The following ABI3BP variants were observed in gnomAD, a reference collection of about 807,000 sequenced individuals.
ABI3BP encodes the protein target of Nesh-SH3.
ABI3BP carries 216 observed loss-of-function variants against 268.6 expected under a neutral mutation model. The ratio of observed to expected loss-of-function variants is 0.80; its 90% confidence interval spans 0.72 to 0.90. The LOEUF is 0.90. Among genes scored for constraint, ABI3BP ranks in the 40% least tolerant of loss-of-function variants. The probability of loss-of-function intolerance (pLI) is 0.00; values close to 1 mark genes in which losing one functional copy is unlikely to be tolerated. For missense variants in ABI3BP, 2,090 were observed against 2,182.4 expected, an observed-to-expected ratio of 0.96 and a Z score of 0.84; for synonymous variants, 730 against 730.0, an observed-to-expected ratio of 1.00 and a Z score of 0.00.
intron 51 of ABI3BP, among the ~76,000 whole-genome samples, chr3:100,804,214 C>G (rs996123256): frequency 1.3e-5 from 2 of 152,102 alleles, no homozygotes; most frequent in Admixed American, 1.3e-4. Flanking sequence ...AGATTACCTT[C>G]CCCATATGTG....
At chr3:100,837,048 T>TTATA in intron 27 of ABI3BP, 76 bp downstream of exon 27, 1 of 1,330,688 alleles carries the variant, frequency 7.5e-7, no homozygotes, top group Admixed American at 2.6e-5. Flanking sequence ...ATTGTGCATA[T>TTATA]TATAGCTAAT....
chr3:100,976,134 T>C (rs930134793), intron 1 of ABI3BP, among the ~76,000 whole-genome samples: 1 of 152,164 alleles, frequency 6.6e-6, no homozygotes, highest in Non-Finnish European at 1.5e-5. Context: ...TGAAGTAAAC[T>C]ATAGGTAAAA....
intron 1 of ABI3BP, among the ~76,000 whole-genome samples, chr3:100,972,741 A>G (rs571905443): frequency 6.6e-6 from 1 of 152,316 alleles, no homozygotes; most frequent in Admixed American, 6.5e-5. Context: ...CTTTCACATC[A>G]ACATGCATGA....
intron 20 of ABI3BP, 133 bp downstream of exon 20, chr3:100,846,239 G>T: frequency 1.6e-6 from 1 of 642,672 alleles, no homozygotes; most frequent in Non-Finnish European, 2.7e-6. Context: ...TCATTTCATT[G>T]CATGCTTACA....
intron 55 of ABI3BP, 52 bp downstream of exon 55, chr3:100,792,639 A>C (rs2152091938): frequency 6.4e-7 from 1 of 1,564,422 alleles, no homozygotes; most frequent in East Asian, 2.3e-5. Context: ...TTCTTTCCTG[A>C]TTAAAAGCAA....
intron 2 of ABI3BP, among the ~76,000 whole-genome samples, chr3:100,916,309 C>CAA (rs746074910): frequency 6.6e-5 from 10 of 152,322 alleles, no homozygotes; most frequent in Admixed American, 2.6e-4. Context: ...TCAAAGCCGT[C>CAA]AAATCAGCAA....
In ABI3BP at chr3:100,847,593, C is replaced by T; in HGVS notation, c.1648+9G>A. The T allele has an allele frequency of 1.2e-6, 2 of 1,604,080 alleles. No homozygotes were observed. The highest frequency in any genetic ancestry group is 1.1e-5 in the South Asian group (1 of 90,876). On this transcript the variant is annotated intron_variant, in intron 19 of 67. Coordinates refer to ENST00000471714, the MANE Select transcript of ABI3BP (RefSeq NM_001375547.2). ...AGCAACACATCTACTAAGGACATAT[C>T]ATTATTACCCGGTGTTGTCCATGTA...
At chr3:100,812,082 T>C (rs1318815380) in intron 46 of ABI3BP, among the ~76,000 whole-genome samples, 1 of 145,968 alleles carries the variant, frequency 6.9e-6, no homozygotes, top group Non-Finnish European at 1.6e-5. Flanking sequence ...ATAATTCCAT[T>C]TTCATTTTTT....
intron 29 of ABI3BP, 40 bp downstream of exon 29, chr3:100,834,644 A>G (rs1186979788): frequency 1.3e-6 from 2 of 1,521,108 alleles, no homozygotes; most frequent in Non-Finnish European, 1.8e-6. Flanking sequence ...TGCCACATCC[A>G]ATGGGATGCC....
At chr3:100,757,555 CAT>C (rs35999055) in intron 63 of ABI3BP, among the ~76,000 whole-genome samples, 42,245 of 151,998 alleles carry the variant, frequency 0.28, 7,528 homozygotes, top group Non-Finnish European at 0.4. Context: ...ACTTTTAAAA[CAT>C]GTGAGGACTC....
chr3:100,822,637 G>A lies in ABI3BP; in HGVS notation c.2839C>T (p.Leu947Phe). Reference protein sequence around the residue: ...KTSQRTRRPRLRTKTTPRPEA... With the variant: ...KTSQRTRRPRFRTKTTPRPEA... ...GGACGTGGTGTGGTTTTTGTTCTGAGACGTGGACGACGTGTCCGTTGTGAT... is the reference window on the plus strand; with the variant it reads ...GGACGTGGTGTGGTTTTTGTTCTGAAACGTGGACGACGTGTCCGTTGTGAT... The change falls in exon 38 of 68, where the codon CTC (leucine) becomes TTC (phenylalanine). Residue 947 changes from leucine to phenylalanine, a missense_variant. Physicochemically the swap from Leu to Phe is conservative, Grantham distance 22. Transcript: ENST00000471714. 1.3e-6 allele frequency: 2 copies of A among 1,536,630 alleles called. No individual in the cohort carries two copies. The highest frequency in any genetic ancestry group is 8.7e-7 in the Non-Finnish European group (1 of 1,146,990).
At chr3:100,977,219 G>A (rs773018153) in intron 1 of ABI3BP, among the ~76,000 whole-genome samples, 1 of 151,990 alleles carries the variant, frequency 6.6e-6, no homozygotes, top group Non-Finnish European at 1.5e-5. Context: ...CATTTAAATA[G>A]TCCTTTAAAA....
chr3:100,975,925 G>T (rs1437643822), intron 1 of ABI3BP, among the ~76,000 whole-genome samples: 4 of 152,174 alleles, frequency 2.6e-5, no homozygotes, highest in African/African-American at 9.7e-5. Flanking sequence ...AAGCAACCCA[G>T]ATCCTGACTG....
intron 48 of ABI3BP, 23 bp downstream of exon 48, chr3:100,811,207 G>T: frequency 1.3e-6 from 2 of 1,528,630 alleles, no homozygotes; most frequent in Non-Finnish European, 8.8e-7. Flanking sequence ...GAGCACCCAG[G>T]GTTGGGCTAC....
In ABI3BP at chr3:100,753,997, G is replaced by A. The variant is rs909150009; in HGVS notation, c.4931-149C>T. The A allele has an allele frequency of 4.7e-6, 4 of 846,372 alleles. No homozygotes were observed. The African/African-American group carries it at 6.8e-5, about 14-fold the overall frequency. The allele number at this position is 846,372 out of a possible 1,614,324, so 52.4% of individuals were successfully genotyped here. A position where few individuals can be genotyped will look rare whatever the true frequency, so the allele number is the denominator to read the frequency against. ...TGCTAAGGATTGAATTTGAAAGTTT[G>A]CTTTGTTTTGGAAATTGTTCTTGAT... On this transcript the variant is annotated intron_variant, in intron 64 of 67. Coordinates refer to ENST00000471714, the MANE Select transcript of ABI3BP (RefSeq NM_001375547.2).
At chr3:100,781,369 G>A (rs2096858674) in intron 57 of ABI3BP, among the ~76,000 whole-genome samples, 2 of 152,106 alleles carry the variant, frequency 1.3e-5, no homozygotes, top group Admixed American at 1.3e-4. Flanking sequence ...TCTGCTGCTT[G>A]AGTAAGAGAT....
chr3:100,842,093 T>C lies in ABI3BP; in HGVS notation c.1724-54A>G, dbSNP rs1479307757. 5.0e-6 allele frequency: 7 copies of C among 1,392,102 alleles called. No individual in the cohort carries two copies. The East Asian group carries it at 1.2e-4, about 25-fold the overall frequency. 86.2% of individuals were successfully genotyped at this position (1,392,102 alleles called of 1,614,324 possible). A position where few individuals can be genotyped will look rare whatever the true frequency, so the allele number is the denominator to read the frequency against. On this transcript the variant is annotated intron_variant, in intron 20 of 67. Coordinates refer to ENST00000471714, the MANE Select transcript of ABI3BP (RefSeq NM_001375547.2). ...CAATGCTGAAGAGCACCATCTGAGATAGAAGTGACATGTTCTTGACTATAA... is the reference window on the plus strand; with the variant it reads ...CAATGCTGAAGAGCACCATCTGAGACAGAAGTGACATGTTCTTGACTATAA...
Position 100,830,640 on chromosome 3 carries a change from C to A in ABI3BP, c.2402-6G>T. On this transcript the variant is annotated splice_polypyrimidine_tract_variant and splice_region_variant and intron_variant, in intron 31 of 67. Transcript: ENST00000471714. ...TTCGAGGATTGTGGCAGGAACTGAT[C>A]AAAAGTAATAAAAGAAACCAAAGAG... 6.6e-7 allele frequency: 1 copy of A among 1,523,904 alleles called. No homozygotes were observed. Among genetic ancestry groups the A allele is most frequent in the South Asian group, 1.2e-5 (1 of 82,036 alleles). 94.4% of individuals were successfully genotyped at this position (1,523,904 alleles called of 1,614,324 possible). A position where few individuals can be genotyped will look rare whatever the true frequency, so the allele number is the denominator to read the frequency against.
At chr3:100,831,130 T>C (rs1291618331) in intron 31 of ABI3BP, among the ~76,000 whole-genome samples, 1 of 152,176 alleles carries the variant, frequency 6.6e-6, no homozygotes, top group African/African-American at 2.4e-5. Flanking sequence ...TTAACACCTT[T>C]GAGTCATCTC....
Sources: gnomAD v4.1 joint callset for allele counts (sites outside exome capture counted in the v4.1 genomes callset) on GRCh38, gnomAD v4.1.1 for gene constraint, MANE v1.5 for transcripts, NCBI Gene and HGNC (gene_info 2026-07-23, HGNC 2026-07-21) for gene names.